NBAS: variants seen among roughly 807,000 people sequenced by gnomAD.
NBAS encodes the protein NAG/BC035112 fusion.
NBAS carries 219 observed loss-of-function variants against 302.5 expected under a neutral mutation model. That is an observed-to-expected ratio of 0.72 (90% CI 0.65 to 0.81). The LOEUF is 0.81. Ranked by LOEUF, NBAS falls within the 30% of genes least tolerant of loss-of-function variation. The probability of loss-of-function intolerance (pLI) is 0.00; values close to 1 mark genes in which losing one functional copy is unlikely to be tolerated. For synonymous variants in NBAS, 1,118 were observed against 1,021.6 expected (o/e 1.09, Z -1.80); for missense variants, 2,932 against 2,841.6 (o/e 1.03, Z -0.72).
the NBAS span, among the ~76,000 whole-genome samples, chr2:14,841,431 C>G: frequency 6.6e-6 from 1 of 150,442 alleles, no homozygotes; most frequent in Non-Finnish European, 1.5e-5. Flanking sequence ...AGGAATCCCA[C>G]TTCACCTACA....
chr2:14,919,797 T>C, the NBAS span, among the ~76,000 whole-genome samples: 1 of 152,194 alleles, frequency 6.6e-6, no homozygotes, highest in South Asian at 2.1e-4. Context: ...AGCAATTCAG[T>C]CACATCTTCA....
chr2:15,144,046 A>ATATATATATATATATTATCCTAT, the NBAS span, among the ~76,000 whole-genome samples: 21 of 104,532 alleles, frequency 2.0e-4, 1 homozygote, highest in East Asian at 4.4e-4. Flanking sequence ...CCTATATATA[A>ATATATATATATATATTATCCTAT]AAATATATAT....
At chr2:14,990,319 G>A in the NBAS span, among the ~76,000 whole-genome samples, 14 of 151,592 alleles carry the variant, frequency 9.2e-5, no homozygotes, top group African/African-American at 3.4e-4. Flanking sequence ...AGCTACTCGG[G>A]AGACTGAGGC....
intron 48 of NBAS, among the ~76,000 whole-genome samples, chr2:15,193,469 G>T (rs1014140951): frequency 2.0e-5 from 3 of 152,080 alleles, no homozygotes; most frequent in Admixed American, 2.0e-4. Flanking sequence ...GAAATACTTG[G>T]TTTGATAATT....
chr2:15,318,012 C>T (rs1671599239), intron 38 of NBAS, among the ~76,000 whole-genome samples: 1 of 152,168 alleles, frequency 6.6e-6, no homozygotes, highest in South Asian at 2.1e-4. Flanking sequence ...GGTTGGGTTG[C>T]CCACAAAGGG....
At chr2:14,815,350 A>G in the NBAS span, among the ~76,000 whole-genome samples, 2 of 152,210 alleles carry the variant, frequency 1.3e-5, no homozygotes, top group Admixed American at 1.3e-4. Context: ...CTAGAGCCTG[A>G]GCACACACAG....
chr2:15,088,286 C>G, the NBAS span, among the ~76,000 whole-genome samples: 1 of 152,150 alleles, frequency 6.6e-6, no homozygotes, highest in East Asian at 1.9e-4. Context: ...TTTACAAGGA[C>G]AGAGCATTCT....
At chr2:15,243,570 A>G (rs891512351) in intron 44 of NBAS, among the ~76,000 whole-genome samples, 15 of 151,606 alleles carry the variant, frequency 9.9e-5, no homozygotes, top group Admixed American at 2.0e-4. Context: ...TTCAGATATC[A>G]GGCAATGAAA....
At position 15,417,142 on chromosome 2, in the gene NBAS, C is replaced by T. The variant is rs112988588; in HGVS notation, c.2763+385G>A. 6.8e-3 allele frequency among the ~76,000 whole-genome samples: 1,028 copies of T among 152,278 alleles called. 12 individuals carry two copies. Among genetic ancestry groups the T allele is most frequent in the African/African-American group, 0.022 (928 of 41,558 alleles). On this transcript the variant is annotated intron_variant, in intron 24 of 51. Transcript: ENST00000281513. Reference sequence around the variant, plus strand: ...AACCCTGAAGCCAAGATGTTTTCTTCAAACAACCACCCGGTCCTCTTAACC... The same window carrying T: ...AACCCTGAAGCCAAGATGTTTTCTTTAAACAACCACCCGGTCCTCTTAACC...
Position 15,475,671 on chromosome 2 carries a change from C to T in NBAS, c.1341+16G>A, listed in dbSNP as rs762743751. ...AAATACATAACTATTCTCAAACAAACAGGAAAAAGCCTTACCTCCAAACTT... is the reference window on the plus strand; with the variant it reads ...AAATACATAACTATTCTCAAACAAATAGGAAAAAGCCTTACCTCCAAACTT... On this transcript the variant is annotated intron_variant, in intron 14 of 51. Transcript: ENST00000281513. The T allele has an allele frequency of 1.2e-6, 2 of 1,612,972 alleles. No individual in the cohort carries two copies. The highest frequency in any genetic ancestry group is 2.2e-5 in the South Asian group (2 of 91,030).
intron 21 of NBAS, among the ~76,000 whole-genome samples, chr2:15,457,591 T>C (rs557749275): frequency 2.0e-5 from 3 of 152,332 alleles, no homozygotes; most frequent in South Asian, 2.1e-4. Context: ...TCGTAAAGCA[T>C]CCCTGATCAC....
chr2:15,206,426 G>GAA (rs549876772), intron 48 of NBAS, among the ~76,000 whole-genome samples: 1 of 144,618 alleles, frequency 6.9e-6, no homozygotes. Flanking sequence ...CCATGTGGTA[G>GAA]AAAAAAAAAA....
intron 35 of NBAS, among the ~76,000 whole-genome samples, chr2:15,348,668 T>C (rs1489936884): frequency 6.6e-6 from 1 of 150,992 alleles, no homozygotes; most frequent in African/African-American, 2.4e-5. Context: ...TAGCACCACA[T>C]GATGACTGAA....
intron 10 of NBAS, 67 bp downstream of exon 10, chr2:15,511,145 T>C: frequency 1.3e-6 from 2 of 1,586,404 alleles, no homozygotes; most frequent in South Asian, 1.1e-5. Context: ...AAAGGACTTA[T>C]TTGTCTAAGA....
chr2:14,921,590 A>G, the NBAS span, among the ~76,000 whole-genome samples: 5 of 152,242 alleles, frequency 3.3e-5, no homozygotes, highest in Non-Finnish European at 5.9e-5. Context: ...TTTCTAATCC[A>G]CTAGGAGAAT....
chr2:15,490,875 T>A (rs1394749961), intron 11 of NBAS, among the ~76,000 whole-genome samples: 2 of 152,170 alleles, frequency 1.3e-5, no homozygotes, highest in African/African-American at 2.4e-5. Flanking sequence ...ACCACCTGAA[T>A]AATTAGTCAT....
the NBAS span, among the ~76,000 whole-genome samples, chr2:14,789,416 C>T: frequency 6.6e-6 from 1 of 152,184 alleles, no homozygotes; most frequent in East Asian, 1.9e-4. Context: ...AATCACCTGT[C>T]TTCTGCGTCG....
chr2:15,280,812 CA>C (rs1669792643), intron 42 of NBAS, among the ~76,000 whole-genome samples: 2 of 152,276 alleles, frequency 1.3e-5, no homozygotes, highest in South Asian at 4.1e-4. Flanking sequence ...TACTGAGCAA[CA>C]AGACAATCTA....
chr2:14,927,315 AC>A, the NBAS span, among the ~76,000 whole-genome samples: 1 of 152,142 alleles, frequency 6.6e-6, no homozygotes, highest in African/African-American at 2.4e-5. Context: ...TCCAAAGTAC[AC>A]TCATACAATA....
Sources: gnomAD v4.1 joint callset for allele counts (sites outside exome capture counted in the v4.1 genomes callset) on GRCh38, gnomAD v4.1.1 for gene constraint, MANE v1.5 for transcripts, NCBI Gene and HGNC (gene_info 2026-07-23, HGNC 2026-07-21) for gene names.